The following ZFPM2 variants were observed in gnomAD, a reference collection of about 807,000 sequenced individuals.
The protein encoded by ZFPM2 is zinc finger protein ZFPM2.
Under a neutral mutation model 98.6 loss-of-function variants are expected in ZFPM2, and 20 were observed. The observed-to-expected ratio is 0.20, with a 90% CI of 0.14 to 0.29. ZFPM2 has a LOEUF of 0.29. Among genes scored for constraint, ZFPM2 ranks in the 10% least tolerant of loss-of-function variants. ZFPM2 has a pLI of 1.00. For missense variants in ZFPM2, 1,310 were observed against 1,388.6 expected, an observed-to-expected ratio of 0.94 and a Z score of 0.90; for synonymous variants, 518 against 502.7, an observed-to-expected ratio of 1.03 and a Z score of -0.41.
intron 5 of ZFPM2, among the ~76,000 whole-genome samples, chr8:105,757,712 G>A (rs1812636568): frequency 6.6e-6 from 1 of 152,012 alleles, no homozygotes; most frequent in Admixed American, 6.6e-5. Context: ...GGATGAGCAG[G>A]GCCATCCCTA....
chr8:105,711,983 CAT>C (rs1166072665), intron 5 of ZFPM2, among the ~76,000 whole-genome samples: 1 of 152,016 alleles, frequency 6.6e-6, no homozygotes, highest in Non-Finnish European at 1.5e-5. Flanking sequence ...TCCTAGAGGA[CAT>C]ATCTTATACT....
chr8:105,509,023 AAG>A (rs1375937212), intron 3 of ZFPM2, among the ~76,000 whole-genome samples: 1 of 152,122 alleles, frequency 6.6e-6, no homozygotes, highest in Non-Finnish European at 1.5e-5. Flanking sequence ...CAGGTTCCTG[AAG>A]GGAGCGGTGC....
At chr8:105,485,314 T>A (rs1563680295) in intron 3 of ZFPM2, among the ~76,000 whole-genome samples, 1 of 146,880 alleles carries the variant, frequency 6.8e-6, no homozygotes, top group Non-Finnish European at 1.5e-5. Flanking sequence ...TTTGTTTGTT[T>A]GTTTTTGATT....
At chr8:105,617,019 C>CA in intron 4 of ZFPM2, among the ~76,000 whole-genome samples, 1 of 15,774 alleles carries the variant, frequency 6.3e-5, no homozygotes, top group Non-Finnish European at 1.1e-4. Flanking sequence ...GACTCTGTCT[C>CA]GAAAAAAAAA....
chr8:105,552,659 T>TTATTCATA (rs1323174929), intron 3 of ZFPM2, among the ~76,000 whole-genome samples: 6,646 of 70,448 alleles, frequency 0.094, 484 homozygotes, highest in African/African-American at 0.38. Context: ...TCCTGTTTCT[T>TTATTCATA]TGTTCATATA....
intron 5 of ZFPM2, among the ~76,000 whole-genome samples, chr8:105,712,741 G>T (rs1416679079): frequency 1.3e-5 from 2 of 151,960 alleles, no homozygotes; most frequent in African/African-American, 4.8e-5. Flanking sequence ...CAGTGTCTTT[G>T]GTTCCCATCT....
chr8:105,545,778 A>C (rs945663050), intron 3 of ZFPM2, among the ~76,000 whole-genome samples: 3 of 152,208 alleles, frequency 2.0e-5, no homozygotes, highest in Non-Finnish European at 2.9e-5. Context: ...ATGGAAAAAA[A>C]TCTAATGGCA....
At chr8:105,715,817 A>G (rs1057215108) in intron 5 of ZFPM2, among the ~76,000 whole-genome samples, 1 of 152,046 alleles carries the variant, frequency 6.6e-6, no homozygotes, top group Non-Finnish European at 1.5e-5. Context: ...AGCATTGTAG[A>G]TTCTTGGACT....
chr8:105,755,444 A>G (rs2131061643), intron 5 of ZFPM2, among the ~76,000 whole-genome samples: 1 of 152,288 alleles, frequency 6.6e-6, no homozygotes, highest in Admixed American at 6.5e-5. Flanking sequence ...GTGTGTGATC[A>G]TATAGAATGC....
chr8:105,762,276 A>G (rs1484293152), intron 5 of ZFPM2, among the ~76,000 whole-genome samples: 1 of 151,934 alleles, frequency 6.6e-6, no homozygotes, highest in Non-Finnish European at 1.5e-5. Context: ...AGACTACAGT[A>G]TTTGATTTTC....
Position 105,647,215 on chromosome 8 carries a change from G to A in ZFPM2, c.532+12858G>A, listed in dbSNP as rs560126714. ...TCAATTTTCTAGATTCCAATATTTT[G>A]TTGACTTCTATTGTATAATCTGCCC... is the stretch of plus-strand genomic sequence containing the variant. On this transcript the variant is annotated intron_variant, in intron 5 of 7. Transcript: ENST00000407775. 5.3e-5 allele frequency among the ~76,000 whole-genome samples: 8 copies of A among 152,126 alleles called. No individual in the cohort carries two copies. In the South Asian group the frequency reaches 1.7e-3, roughly 32 times the overall value.
At chr8:105,567,064 A>G (rs1392331372) in intron 4 of ZFPM2, among the ~76,000 whole-genome samples, 1 of 152,174 alleles carries the variant, frequency 6.6e-6, no homozygotes, top group East Asian at 1.9e-4. Context: ...GAAGTTCCTG[A>G]TCTACCTGCT....
At chr8:105,369,682 A>G (rs1167650507) in intron 1 of ZFPM2, among the ~76,000 whole-genome samples, 1 of 152,178 alleles carries the variant, frequency 6.6e-6, no homozygotes, top group African/African-American at 2.4e-5. Flanking sequence ...AAATCTAAAA[A>G]GGGGGTCAGG....
At chr8:105,502,317 A>G (rs1465366745) in intron 3 of ZFPM2, among the ~76,000 whole-genome samples, 4 of 152,190 alleles carry the variant, frequency 2.6e-5, no homozygotes. Context: ...TTAGAAAAGA[A>G]TATCAATTAA....
chr8:105,517,697 CA>C (rs1359432740), intron 3 of ZFPM2, among the ~76,000 whole-genome samples: 5 of 73,662 alleles, frequency 6.8e-5, no homozygotes, highest in Non-Finnish European at 1.1e-4. Flanking sequence ...ACACACCACA[CA>C]CACACACACC....
At chr8:105,432,895 T>G (rs1159275244) in intron 2 of ZFPM2, among the ~76,000 whole-genome samples, 2 of 151,770 alleles carry the variant, frequency 1.3e-5, no homozygotes, top group African/African-American at 4.8e-5. Context: ...AGGCCAGGAG[T>G]TTGAGACTAG....
intron 5 of ZFPM2, among the ~76,000 whole-genome samples, chr8:105,726,176 A>AT (rs3837169): frequency 0.14 from 20,878 of 149,984 alleles, 1,677 homozygotes; most frequent in East Asian, 0.33. Flanking sequence ...AGATGTTGTG[A>AT]TTTTTTTTTT....
rs565676357 is a variant in ZFPM2 at position 105,800,988 on chromosome 8, T to C, written c.965-59T>C. On this transcript the variant is annotated intron_variant, in intron 7 of 7. Coordinates refer to ENST00000407775, the MANE Select transcript of ZFPM2 (RefSeq NM_012082.4). Reference sequence around the variant, plus strand: ...ACATTAGGTCATTAGAAAAGGTCCCTGTCATTCAAAAACCAACACACATGT... The same window carrying C: ...ACATTAGGTCATTAGAAAAGGTCCCCGTCATTCAAAAACCAACACACATGT... 5.4e-6 allele frequency: 8 copies of C among 1,494,952 alleles called. No individual in the cohort carries two copies. In the East Asian group the frequency reaches 1.6e-4, roughly 30 times the overall value. 92.6% of individuals were successfully genotyped at this position (1,494,952 alleles called of 1,614,324 possible).
intron 4 of ZFPM2, among the ~76,000 whole-genome samples, chr8:105,565,090 C>G (rs1455620566): frequency 6.6e-6 from 1 of 152,158 alleles, no homozygotes; most frequent in African/African-American, 2.4e-5. Context: ...ATTCAGCTCA[C>G]TAATTAATCC....
Sources: gnomAD v4.1 joint callset for allele counts (sites outside exome capture counted in the v4.1 genomes callset) on GRCh38, gnomAD v4.1.1 for gene constraint, MANE v1.5 for transcripts, NCBI Gene and HGNC (gene_info 2026-07-23, HGNC 2026-07-21) for gene names.